Variants in SPHK1 observed in about 807,000 individuals in gnomAD.
SPHK1 encodes sphingosine kinase 1, also known as SK 1.
In SPHK1, 10 loss-of-function variants were observed where a neutral mutation model predicts 14.6. The ratio of observed to expected loss-of-function variants is 0.68; its 90% confidence interval spans 0.42 to 1.16. The LOEUF is 1.16. SPHK1 is among the 50% of genes most tolerant of loss of function. SPHK1 has a pLI of 0.00. For missense variants in SPHK1, 553 were observed against 525.4 expected (o/e 1.05, Z -0.51); for synonymous variants, 274 against 224.0 (o/e 1.22, Z -1.99).
rs188095777 is a variant in SPHK1, at chr17:76,386,739, C to T, written c.375-67C>T. On this transcript the variant is annotated intron_variant, in intron 5 of 5. Transcript: ENST00000592299. This position sits in a 1 kb window ranked among gnomAD's most constrained non-coding sequence, Gnocchi z 5.3. ...TGGCGCTTTGCCAGCTCCCACTCCC[C>T]GGGAGGAGGAAGCGGGGGATACATG... The T allele has an allele frequency of 1.8e-4, 263 of 1,488,530 alleles. No individual in the cohort carries two copies. The highest frequency in any genetic ancestry group is 1.9e-4 in the Non-Finnish European group (212 of 1,114,182). 92.2% of individuals were successfully genotyped at this position (1,488,530 alleles called of 1,614,324 possible). A position where few individuals can be genotyped will look rare whatever the true frequency, so the allele number is the denominator to read the frequency against.
chr17:76,386,555 C>T lies in SPHK1; in HGVS notation c.374+47C>T, dbSNP rs1247239198. On this transcript the variant is annotated intron_variant, in intron 5 of 5. Coordinates refer to ENST00000592299, the MANE Select transcript of SPHK1 (RefSeq NM_001142601.2). This position sits in a 1 kb window ranked among gnomAD's most constrained non-coding sequence, Gnocchi z 5.3. ...AGGCCTGTTTCCCGTCAGTGCTCCTCTACCGCGGGGGTTTTCTTGTCTAAG... is the reference window on the plus strand; with the variant it reads ...AGGCCTGTTTCCCGTCAGTGCTCCTTTACCGCGGGGGTTTTCTTGTCTAAG... 2.6e-6 allele frequency: 4 copies of T among 1,542,776 alleles called. No individual in the cohort carries two copies. The highest frequency in any genetic ancestry group is 3.5e-6 in the Non-Finnish European group (4 of 1,131,402).
rs759722151 is a variant in SPHK1 at position 76,385,954 on chromosome 17, G to T, written c.11-31G>T. The T allele has an allele frequency of 1.3e-6, 2 of 1,576,314 alleles. No homozygotes were observed. The highest frequency in any genetic ancestry group is 1.7e-6 in the Non-Finnish European group (2 of 1,158,638). On this transcript the variant is annotated intron_variant, in intron 2 of 5. Transcript: ENST00000592299. The surrounding 1 kb of genome is among the most constrained non-coding windows in gnomAD (Gnocchi z 5.3). Reference sequence around the variant, plus strand: ...CCGTGGCCCCCTAGTGGTCGGTTGCGGACGTGGCCTCTTTGGTTTTGTTTT... The same window carrying T: ...CCGTGGCCCCCTAGTGGTCGGTTGCTGACGTGGCCTCTTTGGTTTTGTTTT...
At chr17:76,384,435 G>A (rs2071922502), upstream of SPHK1, 4 of 150,270 alleles carry the variant, frequency 2.7e-5, no homozygotes, top group South Asian at 2.1e-4. Flanking sequence ...AGCGGCGGGG[G>A]CGCGCTTGCC....
chr17:76,385,714 A>G lies in SPHK1; in HGVS notation c.10+60A>G. The G allele has an allele frequency of 6.7e-7, 1 of 1,484,612 alleles. No individual in the cohort carries two copies. Among genetic ancestry groups the G allele is most frequent in the Non-Finnish European group, 9.1e-7 (1 of 1,103,238 alleles). 92.0% of individuals were successfully genotyped at this position (1,484,612 alleles called of 1,614,324 possible). On this transcript the variant is annotated intron_variant, in intron 2 of 5. Transcript: ENST00000592299. This position sits in a 1 kb window ranked among gnomAD's most constrained non-coding sequence, Gnocchi z 5.3. ...GGATTCCTGTTCCTCGCCAGGAATG[A>G]TGGAACGCCCAGCTGGACGAAAGGG...
At position 76,386,359 on chromosome 17, in the gene SPHK1, G is replaced by A. The variant is rs201131312; in HGVS notation, c.259-34G>A. The A allele has an allele frequency of 2.8e-3, 4,528 of 1,605,264 alleles. 13 individuals are homozygous for A. Among genetic ancestry groups the A allele is most frequent in the South Asian group, 6.9e-3 (630 of 90,748 alleles). On this transcript the variant is annotated intron_variant, in intron 4 of 5. Coordinates refer to ENST00000592299, the MANE Select transcript of SPHK1 (RefSeq NM_001142601.2). The surrounding 1 kb of genome is among the most constrained non-coding windows in gnomAD (Gnocchi z 5.3). ...GGCTAGGCCTGGGGCTTGGCGCGGTGCGTCCCAGGCTGAGGCCACGTGTGC... is the reference window on the plus strand; with the variant it reads ...GGCTAGGCCTGGGGCTTGGCGCGGTACGTCCCAGGCTGAGGCCACGTGTGC...
Position 76,387,688 on chromosome 17 carries a change from C to T in SPHK1, c.*102C>T. On this transcript the variant is annotated 3_prime_UTR_variant, in exon 6 of 6. Coordinates refer to ENST00000592299, the MANE Select transcript of SPHK1 (RefSeq NM_001142601.2). This position sits in a 1 kb window ranked among gnomAD's most constrained non-coding sequence, Gnocchi z 4.1. ...AGCTCCTGTGGGGGTGGAGGAGACTCCTCTGGAGAAGGGTGAGAAGGTGGA... is the reference window on the plus strand; with the variant it reads ...AGCTCCTGTGGGGGTGGAGGAGACTTCTCTGGAGAAGGGTGAGAAGGTGGA... 1 of 1,304,238 alleles carries T rather than the reference C, an allele frequency of 7.7e-7. No homozygotes were observed. Among genetic ancestry groups the T allele is most frequent in the Non-Finnish European group, 1.0e-6 (1 of 971,348 alleles). 80.8% of individuals were successfully genotyped at this position (1,304,238 alleles called of 1,614,324 possible). A position where few individuals can be genotyped will look rare whatever the true frequency, so the allele number is the denominator to read the frequency against.
rs1389429466 is a variant in SPHK1 at position 76,386,023 on chromosome 17, G to A, written c.49G>A (p.Val17Met). ...PRGVLPRPCRVLVLLNPRGGK... is the reference protein window; with the variant it reads ...PRGVLPRPCRMLVLLNPRGGK... ...GGGCGTGCTCCCGCGGCCCTGCCGCGTGCTGGTGCTGCTGAACCCGCGCGG... is the reference window on the plus strand; with the variant it reads ...GGGCGTGCTCCCGCGGCCCTGCCGCATGCTGGTGCTGCTGAACCCGCGCGG... Residue 17 changes from valine (V) to methionine (M), a missense_variant, in exon 3 of 6, where the codon GTG becomes ATG. Transcript: ENST00000592299. The surrounding 1 kb of genome is among the most constrained non-coding windows in gnomAD (Gnocchi z 5.3). The A allele has an allele frequency of 6.2e-7, 1 of 1,605,730 alleles. No homozygotes were observed. The highest frequency in any genetic ancestry group is 1.7e-5 in the Admixed American group (1 of 59,494).
rs1298570644 is a variant in SPHK1 at position 76,385,332 on chromosome 17, G to T, written c.-194-119G>T. On this transcript the variant is annotated intron_variant, in intron 1 of 5. Transcript: ENST00000592299. This position sits in a 1 kb window ranked among gnomAD's most constrained non-coding sequence, Gnocchi z 5.3. ...GCGCCCTCGGAGGCACCGGACCTCAGCTCTCTGGACTTCCCGGGAACCTGG... is the reference window on the plus strand; with the variant it reads ...GCGCCCTCGGAGGCACCGGACCTCATCTCTCTGGACTTCCCGGGAACCTGG... The T allele has an allele frequency of 2.1e-6, 3 of 1,454,132 alleles. No individual in the cohort carries two copies. Among genetic ancestry groups the T allele is most frequent in the Middle Eastern group, 2.5e-4 (1 of 3,988 alleles). The allele number at this position is 1,454,132 out of a possible 1,614,324, so 90.1% of individuals were successfully genotyped here. A position where few individuals can be genotyped will look rare whatever the true frequency, so the allele number is the denominator to read the frequency against.
chr17:76,385,810 G>A lies in SPHK1; in HGVS notation c.10+156G>A, dbSNP rs1031743802. The A allele has an allele frequency of 1.6e-5, 22 of 1,417,454 alleles. No individual in the cohort carries two copies. The African/African-American group carries it at 2.4e-4, about 16-fold the overall frequency. 87.8% of individuals were successfully genotyped at this position (1,417,454 alleles called of 1,614,324 possible). A position where few individuals can be genotyped will look rare whatever the true frequency, so the allele number is the denominator to read the frequency against. On this transcript the variant is annotated intron_variant, in intron 2 of 5. Coordinates refer to ENST00000592299, the MANE Select transcript of SPHK1 (RefSeq NM_001142601.2). This position sits in a 1 kb window ranked among gnomAD's most constrained non-coding sequence, Gnocchi z 5.3. ...CCGGCCGAATCTGAGCCAAGGAAGG[G>A]GGTGGCAGGGGCGCCGCGTCCCCAC...
chr17:76,386,723 G>A lies in SPHK1; in HGVS notation c.375-83G>A. 4 of 1,454,904 alleles carry A rather than the reference G, an allele frequency of 2.7e-6. No individual in the cohort carries two copies. The highest frequency in any genetic ancestry group is 3.7e-6 in the Non-Finnish European group (4 of 1,086,656). The allele number at this position is 1,454,904 out of a possible 1,614,324, so 90.1% of individuals were successfully genotyped here. A position where few individuals can be genotyped will look rare whatever the true frequency, so the allele number is the denominator to read the frequency against. On this transcript the variant is annotated intron_variant, in intron 5 of 5. Transcript: ENST00000592299. The surrounding 1 kb of genome is among the most constrained non-coding windows in gnomAD (Gnocchi z 5.3). The stretch of plus-strand genomic sequence containing the variant: ...CTCCCCAGGGACCACATGGCGCTTT[G>A]CCAGCTCCCACTCCCCGGGAGGAGG...
Position 76,387,634 on chromosome 17 carries a change from C to T in SPHK1, c.*48C>T, listed in dbSNP as rs772008670. On this transcript the variant is annotated 3_prime_UTR_variant, in exon 6 of 6. Transcript: ENST00000592299. The surrounding 1 kb of genome is among the most constrained non-coding windows in gnomAD (Gnocchi z 4.1). The stretch of plus-strand genomic sequence containing the variant: ...AGTGTCTACTTGCAGGACCCTTCCT[C>T]CTTCCCTAGGGCTGCAGGGCCTGTC... 3 of 1,524,770 alleles carry T rather than the reference C, an allele frequency of 2.0e-6. No individual in the cohort carries two copies. The highest frequency in any genetic ancestry group is 8.8e-7 in the Non-Finnish European group (1 of 1,139,822). The allele number at this position is 1,524,770 out of a possible 1,614,324, so 94.5% of individuals were successfully genotyped here.
At position 76,386,280 on chromosome 17, in the gene SPHK1, C is replaced by G. The variant is rs140814151; in HGVS notation, c.223C>G (p.Leu75Val). The change falls in exon 4 of 6, where the codon CTG (leucine) becomes GTG (valine). Residue 75 changes from leucine (L) to valine (V), a missense_variant. Coordinates refer to ENST00000592299, the MANE Select transcript of SPHK1 (RefSeq NM_001142601.2). The surrounding 1 kb of genome is among the most constrained non-coding windows in gnomAD (Gnocchi z 5.3). The part of the protein sequence containing the change: ...RSEELGRWDA[L>V]VVMSGDGLMH... ...GGAGGAGCTGGGCCGCTGGGACGCT[C>G]TGGTGGTCATGTCTGGAGACGGGCT... is the stretch of plus-strand genomic sequence containing the variant. 3.2e-5 allele frequency: 52 copies of G among 1,600,672 alleles called. 1 individual carries two copies. The African/African-American group carries it at 3.7e-4, about 12-fold the overall frequency.
At position 76,385,595 on chromosome 17, in the gene SPHK1, C is replaced by T. The variant is rs903117020; in HGVS notation, c.-50C>T. 1.0e-5 allele frequency: 16 copies of T among 1,540,080 alleles called. No homozygotes were observed. Among genetic ancestry groups the T allele is most frequent in the African/African-American group, 1.4e-5 (1 of 73,238 alleles). On this transcript the variant is annotated 5_prime_UTR_variant, in exon 2 of 6. Transcript: ENST00000592299. This position sits in a 1 kb window ranked among gnomAD's most constrained non-coding sequence, Gnocchi z 5.3. ...GCAGGAGCCGCCGCCACGGGCAGCGCCCCCACAGCGCCAGGGACCCCCTGG... is the reference window on the plus strand; with the variant it reads ...GCAGGAGCCGCCGCCACGGGCAGCGTCCCCACAGCGCCAGGGACCCCCTGG...
Position 76,386,446 on chromosome 17 carries a change from C to T in SPHK1, c.312C>T (p.Pro104=). The T allele has an allele frequency of 6.2e-7, 1 of 1,613,094 alleles. No homozygotes were observed. Among genetic ancestry groups the T allele is most frequent in the South Asian group, 1.1e-5 (1 of 91,084 alleles). Residue 104 remains proline (P), a synonymous_variant, in exon 5 of 6, where the codon CCC becomes CCT. Transcript: ENST00000592299. This position sits in a 1 kb window ranked among gnomAD's most constrained non-coding sequence, Gnocchi z 5.3. ...ACTGGGAGACCGCCATCCAGAAGCC[C>T]CTGTGTAGCCTCCCAGCAGGCTCTG... The part of the protein sequence containing the change: ...RPDWETAIQK[P]LCSLPAGSGN...
Position 76,387,631 on chromosome 17 carries a change from C to T in SPHK1, c.*45C>T, listed in dbSNP as rs745738014. Reference sequence around the variant, plus strand: ...CTTAGTGTCTACTTGCAGGACCCTTCCTCCTTCCCTAGGGCTGCAGGGCCT... The same window carrying T: ...CTTAGTGTCTACTTGCAGGACCCTTTCTCCTTCCCTAGGGCTGCAGGGCCT... On this transcript the variant is annotated 3_prime_UTR_variant, in exon 6 of 6. Coordinates refer to ENST00000592299, the MANE Select transcript of SPHK1 (RefSeq NM_001142601.2). This position sits in a 1 kb window ranked among gnomAD's most constrained non-coding sequence, Gnocchi z 4.1. 43 of 1,525,986 alleles carry T rather than the reference C, an allele frequency of 2.8e-5. No homozygotes were observed. In the South Asian group the frequency reaches 4.9e-4, roughly 17 times the overall value. 94.5% of individuals were successfully genotyped at this position (1,525,986 alleles called of 1,614,324 possible).
chr17:76,387,486 G>C lies in SPHK1; in HGVS notation c.1055G>C (p.Gly352Ala), dbSNP rs768257585. The C allele has an allele frequency of 6.2e-7, 1 of 1,613,316 alleles. No individual in the cohort carries two copies. Among genetic ancestry groups the C allele is most frequent in the Non-Finnish European group, 8.5e-7 (1 of 1,179,950 alleles). Residue 352 changes from glycine to alanine, a missense_variant, in exon 6 of 6, where the codon GGC (glycine) becomes GCC (alanine). Coordinates refer to ENST00000592299, the MANE Select transcript of SPHK1 (RefSeq NM_001142601.2). The surrounding 1 kb of genome is among the most constrained non-coding windows in gnomAD (Gnocchi z 4.1). Reference protein sequence around the residue: ...GELMVSEAVQGQVHPNYFWMV... With the variant: ...GELMVSEAVQAQVHPNYFWMV... The stretch of plus-strand genomic sequence containing the variant: ...TTGATGGTTAGCGAGGCCGTGCAGG[G>C]CCAGGTGCACCCAAACTACTTCTGG...
chr17:76,387,826 G>A lies in SPHK1; in HGVS notation c.*240G>A, dbSNP rs182340404. On this transcript the variant is annotated 3_prime_UTR_variant, in exon 6 of 6. Transcript: ENST00000592299. This position sits in a 1 kb window ranked among gnomAD's most constrained non-coding sequence, Gnocchi z 4.1. ...GTTTGTTCTGAGACCCCCACCCCAC[G>A]AACCAAATCCAAATAAAGTGACATT... The A allele has an allele frequency of 1.4e-4, 70 of 494,034 alleles. 1 individual carries two copies. Among genetic ancestry groups the A allele is most frequent in the Admixed American group, 1.4e-3 (38 of 27,332 alleles). The allele number at this position is 494,034 out of a possible 1,614,324, so 30.6% of individuals were successfully genotyped here. A position where few individuals can be genotyped will look rare whatever the true frequency, so the allele number is the denominator to read the frequency against.
Position 76,385,754 on chromosome 17 carries a change from G to C in SPHK1, c.10+100G>C. ...GGACGAAAGGGGCTGTGGACGATCG[G>C]GAGAAACATTATCCCTCACGAGGCC... On this transcript the variant is annotated intron_variant, in intron 2 of 5. Transcript: ENST00000592299. The surrounding 1 kb of genome is among the most constrained non-coding windows in gnomAD (Gnocchi z 5.3). 2 of 1,434,158 alleles carry C rather than the reference G, an allele frequency of 1.4e-6. No individual in the cohort carries two copies. Among genetic ancestry groups the C allele is most frequent in the Non-Finnish European group, 1.9e-6 (2 of 1,056,702 alleles). 88.8% of individuals were successfully genotyped at this position (1,434,158 alleles called of 1,614,324 possible). A position where few individuals can be genotyped will look rare whatever the true frequency, so the allele number is the denominator to read the frequency against.
Position 76,384,760 on chromosome 17 carries a change from C to T in SPHK1, c.-241C>T, listed in dbSNP as rs567678309. On this transcript the variant is annotated 5_prime_UTR_variant, in exon 1 of 6. Transcript: ENST00000592299. ...ACGAGCTGCGTTCCGCCCCAGGCCA[C>T]TGTAGGGAACGGCGGTGGCGCCTCC... The T allele has an allele frequency of 1.1e-4, 22 of 209,344 alleles. No individual in the cohort carries two copies. In the South Asian group the frequency reaches 1.9e-3, roughly 18 times the overall value. 13.0% of individuals were successfully genotyped at this position (209,344 alleles called of 1,614,324 possible).
Sources: gnomAD v4.1 joint callset for allele counts on GRCh38, gnomAD v4.1.1 for gene constraint, Gnocchi (gnomAD v3.1) non-coding constraint, MANE v1.5 for transcripts, NCBI Gene and HGNC (gene_info 2026-07-23, HGNC 2026-07-21) for gene names.